Variants in LOC400499 observed in about 807,000 individuals in gnomAD.
the LOC400499 span, chr16:11,392,310 C>G: frequency 5.0e-6 from 2 of 399,056 alleles, no homozygotes; most frequent in Non-Finnish European, 8.8e-6. Context: ...AGCCCAGGCC[C>G]TCTCACCTCC....
At chr16:11,498,469 GA>G in the LOC400499 span, among the ~76,000 whole-genome samples, 1 of 151,484 alleles carries the variant, frequency 6.6e-6, no homozygotes, top group South Asian at 2.1e-4. Flanking sequence ...GCAACAGAGC[GA>G]GACTCCGTCT....
At chr16:11,502,473 A>C in the LOC400499 span, among the ~76,000 whole-genome samples, 1 of 152,268 alleles carries the variant, frequency 6.6e-6, no homozygotes, top group South Asian at 2.1e-4. Flanking sequence ...GCAGTGAAAG[A>C]ACAGGCATAG....
chr16:11,503,893 C>T, the LOC400499 span, among the ~76,000 whole-genome samples: 4 of 152,218 alleles, frequency 2.6e-5, no homozygotes, highest in Admixed American at 1.3e-4. Flanking sequence ...CAGTTTGGGG[C>T]GTCTATCCAA....
the LOC400499 span, among the ~76,000 whole-genome samples, chr16:11,428,223 G>A: frequency 1.4e-5 from 2 of 146,756 alleles, no homozygotes; most frequent in Non-Finnish European, 2.9e-5. Context: ...TGCCCAGGCT[G>A]GAGTGCCGTG....
the LOC400499 span, among the ~76,000 whole-genome samples, chr16:11,467,957 C>T: frequency 2.6e-5 from 4 of 152,092 alleles, no homozygotes; most frequent in Non-Finnish European, 2.9e-5. Flanking sequence ...TGTGTGGACA[C>T]AGACACCTAC....
the LOC400499 span, chr16:11,431,163 C>T: frequency 4.8e-3 from 1,921 of 399,068 alleles, 36 homozygotes; most frequent in African/African-American, 0.036. Context: ...CCCTCCATTC[C>T]TCAGATGCCT....
At chr16:11,457,632 G>T in the LOC400499 span, among the ~76,000 whole-genome samples, 1 of 150,200 alleles carries the variant, frequency 6.7e-6, no homozygotes, top group Non-Finnish European at 1.5e-5. Flanking sequence ...ATTACCATAC[G>T]CCCCAGAAAT....
chr16:11,412,198 C>G, the LOC400499 span, among the ~76,000 whole-genome samples: 2 of 152,190 alleles, frequency 1.3e-5, no homozygotes, highest in African/African-American at 4.8e-5. Context: ...GGGTGCTACA[C>G]CCTCTTGTCA....
the LOC400499 span, among the ~76,000 whole-genome samples, chr16:11,497,533 G>A: frequency 2.0e-5 from 3 of 152,204 alleles, no homozygotes; most frequent in Non-Finnish European, 4.4e-5. Context: ...GGCAGGCTCG[G>A]GCCTGTCCCA....
At chr16:11,437,857 A>G in the LOC400499 span, among the ~76,000 whole-genome samples, 3 of 152,222 alleles carry the variant, frequency 2.0e-5, no homozygotes, top group African/African-American at 7.2e-5. Context: ...TGACAGAGCG[A>G]GACTCGGTCT....
chr16:11,516,886 A>G, the LOC400499 span, among the ~76,000 whole-genome samples: 100,861 of 152,066 alleles, frequency 0.66, 34,883 homozygotes, highest in Non-Finnish European at 0.78. Context: ...AGCTCAAGCA[A>G]TCCTCCAGCC....
the LOC400499 span, among the ~76,000 whole-genome samples, chr16:11,458,458 T>C: frequency 2.6e-5 from 4 of 151,036 alleles, no homozygotes; most frequent in Non-Finnish European, 5.9e-5. Context: ...TGAGCCAAGA[T>C]TGCACCATTG....
the LOC400499 span, chr16:11,398,399 A>G: frequency 8.1e-7 from 1 of 1,232,308 alleles, no homozygotes; most frequent in Non-Finnish European, 1.0e-6. Flanking sequence ...GCCAGCGTGC[A>G]TAGTCAGTCT....
the LOC400499 span, among the ~76,000 whole-genome samples, chr16:11,445,783 T>C: frequency 1.3e-5 from 2 of 151,310 alleles, no homozygotes; most frequent in Non-Finnish European, 1.5e-5. Flanking sequence ...GACTGTCACA[T>C]AGACTGTACT....
At chr16:11,422,303 G>C in the LOC400499 span, among the ~76,000 whole-genome samples, 2 of 152,342 alleles carry the variant, frequency 1.3e-5, no homozygotes, top group Middle Eastern at 3.4e-3. Flanking sequence ...CTGGTGGGCT[G>C]AGGCAGGAGA....
chr16:11,421,994 C>T, the LOC400499 span, among the ~76,000 whole-genome samples: 1 of 152,212 alleles, frequency 6.6e-6, no homozygotes, highest in Non-Finnish European at 1.5e-5. Context: ...TGAGACGTGG[C>T]AAACACTCTG....
At chr16:11,500,125 G>T in the LOC400499 span, among the ~76,000 whole-genome samples, 2 of 152,142 alleles carry the variant, frequency 1.3e-5, no homozygotes, top group African/African-American at 4.8e-5. Flanking sequence ...CAGATTTAGT[G>T]CCAGACACCA....
At chr16:11,517,515 G>A in the LOC400499 span, among the ~76,000 whole-genome samples, 1 of 152,216 alleles carries the variant, frequency 6.6e-6, no homozygotes, top group Non-Finnish European at 1.5e-5. Flanking sequence ...GAGCAATGTA[G>A]TGTTTTGCTC....
At chr16:11,514,456 G>A in the LOC400499 span, 14 of 399,010 alleles carry the variant, frequency 3.5e-5, no homozygotes, top group Admixed American at 1.3e-4. Flanking sequence ...GTGGCCCCGC[G>A]GAGTCCAGCT....
Sources: allele counts gnomAD v4.1 joint callset (sites outside exome capture counted in the v4.1 genomes callset), GRCh38; gene constraint gnomAD v4.1.1; transcripts MANE v1.5.